AFAP1: variants seen among roughly 807,000 people sequenced by gnomAD.
The protein encoded by AFAP1 is actin filament-associated protein 1.
Under a neutral mutation model 93.9 loss-of-function variants are expected in AFAP1, and 75 were observed. The ratio of observed to expected loss-of-function variants is 0.80; its 90% CI spans 0.66 to 0.97. AFAP1 has a LOEUF of 0.97. AFAP1 is among the 50% of genes least tolerant of loss of function. AFAP1 has a pLI of 0.00. For synonymous variants in AFAP1, 517 were observed against 430.7 expected (o/e 1.20, Z -2.48); for missense variants, 1,201 against 1,050.8 (o/e 1.14, Z -1.98).
At chr4:7,800,417 G>A (rs372542437) in intron 10 of AFAP1, 25 bp downstream of exon 10, 3 of 1,611,600 alleles carry the variant, frequency 1.9e-6, no homozygotes, top group Non-Finnish European at 2.5e-6. Context: ...CCTCTGTGGA[G>A]TACAGCCCCT....
chr4:7,768,916 C>G lies in AFAP1; in HGVS notation c.2346G>C (p.Ala782=). 1 of 1,613,722 alleles carries G rather than the reference C, an allele frequency of 6.2e-7. No homozygotes were observed. Among genetic ancestry groups the G allele is most frequent in the Non-Finnish European group, 8.5e-7 (1 of 1,179,834 alleles). The change falls in exon 17 of 18, where the codon GCG becomes GCC. Residue 782 remains alanine (A), a synonymous_variant. Coordinates refer to ENST00000420658, the MANE Select transcript of AFAP1 (RefSeq NM_001134647.2). ...CAGCCTGGCTCTTCTTCAAGACGGC[C>G]GCGCTGTTCACCGGCACGGGGCCCT... is the stretch of plus-strand genomic sequence containing the variant. ...DTEGPVPVNS[A]AVLKKSQAAP...
chr4:7,872,023 T>C lies in AFAP1; in HGVS notation c.56A>G (p.Tyr19Cys), dbSNP rs370600885. The change falls in exon 2 of 18, where the codon TAT (tyrosine) becomes TGT (cysteine). Residue 19 changes from tyrosine to cysteine, a missense_variant. Coordinates refer to ENST00000420658, the MANE Select transcript of AFAP1 (RefSeq NM_001134647.2). ...RLFLELLDHE[Y>C]LTSTVREKKA... ...TTTCTCCCTGACAGTTGAGGTTAGA[T>C]ATTCATGGTCCAGGAGTTCAAGAAA... The C allele has an allele frequency of 2.0e-5, 32 of 1,614,152 alleles. No homozygotes were observed. In the African/African-American group the frequency reaches 4.3e-4, roughly 22 times the overall value.
intron 1 of AFAP1, among the ~76,000 whole-genome samples, chr4:7,905,972 C>A (rs1719377530): frequency 6.6e-6 from 1 of 152,344 alleles, no homozygotes; most frequent in South Asian, 2.1e-4. Flanking sequence ...CCCCCACGCA[C>A]AAGGGCCAGC....
chr4:7,765,795 T>C (rs536907475), intron 17 of AFAP1, among the ~76,000 whole-genome samples: 5 of 151,980 alleles, frequency 3.3e-5, no homozygotes, highest in East Asian at 3.9e-4. Context: ...CTTGGAGAGG[T>C]TGCTTCATCT....
intron 13 of AFAP1, among the ~76,000 whole-genome samples, chr4:7,780,597 G>T (rs570117377): frequency 6.6e-6 from 1 of 151,944 alleles, no homozygotes; most frequent in Admixed American, 6.5e-5. Flanking sequence ...AGGATCACTT[G>T]AGCCCACAGT....
intron 1 of AFAP1, among the ~76,000 whole-genome samples, chr4:7,901,818 C>A (rs1719131212): frequency 6.6e-6 from 1 of 152,122 alleles, no homozygotes; most frequent in Non-Finnish European, 1.5e-5. Context: ...TTTTTAAAAT[C>A]ACTTCAATCA....
At chr4:7,815,252 G>A (rs1209327934) in intron 8 of AFAP1, among the ~76,000 whole-genome samples, 2 of 149,154 alleles carry the variant, frequency 1.3e-5, no homozygotes, top group African/African-American at 4.9e-5. Context: ...GGCTGGGGGA[G>A]GAGGGAATGG....
chr4:7,887,913 G>T (rs1718224818), intron 1 of AFAP1, among the ~76,000 whole-genome samples: 1 of 151,618 alleles, frequency 6.6e-6, no homozygotes, highest in Non-Finnish European at 1.5e-5. Flanking sequence ...CATAACCTCT[G>T]TCTCACAGGT....
chr4:7,905,387 T>C (rs1475252615), intron 1 of AFAP1, among the ~76,000 whole-genome samples: 1 of 152,192 alleles, frequency 6.6e-6, no homozygotes, highest in East Asian at 1.9e-4. Context: ...TATAGAAAAA[T>C]CTATTCCATT....
chr4:7,798,237 G>A lies in AFAP1; in HGVS notation c.1266+2205C>T, dbSNP rs368133220. On this transcript the variant is annotated intron_variant, in intron 10 of 17. Coordinates refer to ENST00000420658, the MANE Select transcript of AFAP1 (RefSeq NM_001134647.2). ...ACTGCAACTCTATTGGCTGGCTCACGGCACTGCAACTCTATTGGCTGGCTC... is the reference window on the plus strand; with the variant it reads ...ACTGCAACTCTATTGGCTGGCTCACAGCACTGCAACTCTATTGGCTGGCTC... 3.5e-4 allele frequency among the ~76,000 whole-genome samples: 44 copies of A among 125,874 alleles called. 1 individual carries two copies. Among genetic ancestry groups the A allele is most frequent in the South Asian group, 8.5e-4 (3 of 3,546 alleles). 82.6% of individuals were successfully genotyped at this position (125,874 alleles called of 152,430 possible). A position where few individuals can be genotyped will look rare whatever the true frequency, so the allele number is the denominator to read the frequency against.
chr4:7,815,246 G>C (rs1410936489), intron 8 of AFAP1, among the ~76,000 whole-genome samples: 1 of 150,366 alleles, frequency 6.7e-6, no homozygotes, highest in Non-Finnish European at 1.5e-5. Flanking sequence ...GCCAGGGGCT[G>C]GGGGAGGAGG....
intron 3 of AFAP1, among the ~76,000 whole-genome samples, chr4:7,861,026 A>C (rs1017871079): frequency 1.3e-5 from 2 of 152,182 alleles, no homozygotes; most frequent in East Asian, 1.9e-4. Context: ...CTTTCCAGGG[A>C]AACACCAATA....
intron 4 of AFAP1, among the ~76,000 whole-genome samples, chr4:7,852,881 C>A (rs1479177689): frequency 6.6e-6 from 1 of 152,178 alleles, no homozygotes; most frequent in African/African-American, 2.4e-5. Context: ...ATGAATATCT[C>A]GGAATTTAGG....
intron 1 of AFAP1, among the ~76,000 whole-genome samples, chr4:7,926,525 A>G (rs576424904): frequency 2.0e-5 from 3 of 152,270 alleles, no homozygotes; most frequent in African/African-American, 7.2e-5. Flanking sequence ...CCTCCAGGGT[A>G]GAAAGTTCCC....
At chr4:7,874,418 C>T (rs1717352258) in intron 1 of AFAP1, among the ~76,000 whole-genome samples, 1 of 133,548 alleles carries the variant, frequency 7.5e-6, no homozygotes, top group Admixed American at 8.5e-5. Context: ...GGCTGGAGTG[C>T]AGTGGTGCAA....
intron 1 of AFAP1, among the ~76,000 whole-genome samples, chr4:7,873,632 G>A (rs2149187349): frequency 6.6e-6 from 1 of 152,156 alleles, no homozygotes; most frequent in Non-Finnish European, 1.5e-5. Flanking sequence ...ACAGACGTGA[G>A]CCACCACACC....
chr4:7,801,938 A>C (rs1449431101), intron 9 of AFAP1, among the ~76,000 whole-genome samples: 2 of 151,254 alleles, frequency 1.3e-5, no homozygotes, highest in African/African-American at 4.8e-5. Context: ...AAAAAAAAAA[A>C]AAAACTAATC....
intron 1 of AFAP1, among the ~76,000 whole-genome samples, chr4:7,878,650 G>C (rs1263421085): frequency 6.6e-6 from 1 of 152,192 alleles, no homozygotes; most frequent in Non-Finnish European, 1.5e-5. Flanking sequence ...CTACCGTTAA[G>C]TACTGACCAT....
rs191397806 is a variant in AFAP1, at chr4:7,857,676, C to A, written c.226-2102G>T. Among the ~76,000 whole-genome samples the A allele has an allele frequency of 7.2e-3, 1,104 of 152,336 alleles. 2 individuals carry two copies. Among genetic ancestry groups the A allele is most frequent in the South Asian group, 0.025 (120 of 4,822 alleles). On this transcript the variant is annotated intron_variant, in intron 3 of 17. Transcript: ENST00000420658. ...ATCTCTGCTGGCTGCTTTTGGAAAA[C>A]AGCTGCTTGATTCACTGAGTATCTT...
Sources: allele counts gnomAD v4.1 joint callset (sites outside exome capture counted in the v4.1 genomes callset), GRCh38; gene constraint gnomAD v4.1.1; transcripts MANE v1.5; gene names NCBI Gene and HGNC (gene_info 2026-07-23, HGNC 2026-07-21).